BRD4: variants seen among roughly 807,000 people sequenced by gnomAD.
BRD4 encodes the protein bromodomain containing 4.
In BRD4, 16 loss-of-function variants were observed where a neutral mutation model predicts 142.1. The ratio of observed to expected loss-of-function variants is 0.11; its 90% CI spans 0.08 to 0.17. The LOEUF (loss-of-function observed/expected upper bound fraction) is 0.17, where lower values mean the gene tolerates loss of function less well. BRD4 is among the 10% of genes least tolerant of loss of function. BRD4 has a pLI of 1.00. For synonymous variants in BRD4, 833 were observed against 707.5 expected (o/e 1.18, Z -2.82); for missense variants, 1,424 against 1,810.9 (o/e 0.79, Z 3.88).
At chr19:15,281,421 AG>A (rs2047703548) in intron 1 of BRD4, among the ~76,000 whole-genome samples, 1 of 152,236 alleles carries the variant, frequency 6.6e-6, no homozygotes, top group South Asian at 2.1e-4. Context: ...TCTTGCAGTC[AG>A]GAGGCCAGGA....
At chr19:15,298,061 G>A (rs1181616175) in intron 1 of BRD4, among the ~76,000 whole-genome samples, 1 of 152,228 alleles carries the variant, frequency 6.6e-6, no homozygotes, top group Non-Finnish European at 1.5e-5. Context: ...GGTTACAGCA[G>A]CACCCAACAA....
At position 15,243,008 on chromosome 19, in the gene BRD4, G is replaced by T. The variant is rs577673376; in HGVS notation, c.3061C>A (p.His1021Asn). 5.3e-4 allele frequency: 811 copies of T among 1,544,214 alleles called. 9 individuals are homozygous for T. The South Asian group carries it at 9.1e-3, about 17-fold the overall frequency. ...PPPPQGQQPP[H>N]PPPGQQPPPP... ...GGTGGCTGCTGGCCTGGGGGCGGAT[G>T]GGGGGGCTGCTGGCCCTGGGGTGGC... The change falls in exon 14 of 20, where the codon CAT (histidine) becomes AAT (asparagine). Residue 1021 changes from histidine to asparagine, a missense_variant. Physicochemically the swap from His to Asn is moderately conservative, Grantham distance 68. Coordinates refer to ENST00000679869, the MANE Select transcript of BRD4 (RefSeq NM_001379291.1).
chr19:15,268,600 ACACCTTCTCT>A (rs1252080123), intron 3 of BRD4, among the ~76,000 whole-genome samples: 1 of 151,968 alleles, frequency 6.6e-6, no homozygotes, highest in Non-Finnish European at 1.5e-5. Context: ...TATTCTCCTC[ACACCTTCTCT>A]ACTAGACATG....
intron 11 of BRD4, among the ~76,000 whole-genome samples, chr19:15,252,669 G>A (rs115045911): frequency 0.011 from 1,723 of 152,340 alleles, 21 homozygotes; most frequent in African/African-American, 0.039. Context: ...AACGGTTAGA[G>A]ATGAAAGGGT....
In BRD4 at chr19:15,244,771, G is replaced by A. The variant is rs2047270968; in HGVS notation, c.2159-9C>T. ...TGACTTCGGAGCCATCTCTGCAGAGGAAAAGAGAAGGTAGTGAGGCTCTGG... is the reference window on the plus strand; with the variant it reads ...TGACTTCGGAGCCATCTCTGCAGAGAAAAAGAGAAGGTAGTGAGGCTCTGG... On this transcript the variant is annotated splice_polypyrimidine_tract_variant and intron_variant, in intron 11 of 19. Coordinates refer to ENST00000679869, the MANE Select transcript of BRD4 (RefSeq NM_001379291.1). 2.5e-6 allele frequency: 4 copies of A among 1,614,144 alleles called. No individual in the cohort carries two copies. The highest frequency in any genetic ancestry group is 2.2e-5 in the South Asian group (2 of 91,084).
intron 1 of BRD4, among the ~76,000 whole-genome samples, chr19:15,310,354 G>A: frequency 6.2e-5 from 1 of 16,234 alleles, no homozygotes; most frequent in African/African-American, 1.6e-4. Flanking sequence ...GCTGATTTTT[G>A]GATTCCCCCC....
At chr19:15,326,097 G>A (rs979137349) in intron 1 of BRD4, among the ~76,000 whole-genome samples, 2 of 140,766 alleles carry the variant, frequency 1.4e-5, no homozygotes, top group East Asian at 2.1e-4. Flanking sequence ...ACATTCATAC[G>A]ACAGCTAAGC....
At position 15,238,646 on chromosome 19, in the gene BRD4, C is replaced by G. The variant is rs1423999165; in HGVS notation, c.4020+97G>C. The G allele has an allele frequency of 2.1e-6, 3 of 1,453,780 alleles. No homozygotes were observed. Among genetic ancestry groups the G allele is most frequent in the Non-Finnish European group, 2.7e-6 (3 of 1,100,254 alleles). 90.1% of individuals were successfully genotyped at this position (1,453,780 alleles called of 1,614,324 possible). On this transcript the variant is annotated intron_variant, in intron 19 of 19. Transcript: ENST00000679869. The surrounding 1 kb of genome is among the most constrained non-coding windows in gnomAD (Gnocchi z 7.2). ...TGCCGACCAGCAGGGACGGGGCTCC[C>G]CCGCTGCCCCTCCCTGTCCAGGCTC... is the stretch of plus-strand genomic sequence containing the variant.
At chr19:15,261,078 A>C (rs928586310) in intron 7 of BRD4, among the ~76,000 whole-genome samples, 1 of 152,250 alleles carries the variant, frequency 6.6e-6, no homozygotes, top group African/African-American at 2.4e-5. Flanking sequence ...TGTGGGCAAA[A>C]GCTGCGCCCC....
intron 1 of BRD4, among the ~76,000 whole-genome samples, chr19:15,327,404 C>T (rs1431953732): frequency 6.6e-6 from 1 of 152,050 alleles, no homozygotes; most frequent in Non-Finnish European, 1.5e-5. Flanking sequence ...ATTAGCCGGG[C>T]ATGGTGGCAG....
Position 15,302,166 on chromosome 19 carries a change from CA to C in BRD4, c.-34-29034del, listed in dbSNP as rs779863415. Among the ~76,000 whole-genome samples, 1,018 of 132,860 alleles carry C rather than the reference CA, an allele frequency of 7.7e-3. 2 individuals are homozygous for C. Among genetic ancestry groups the C allele is most frequent in the African/African-American group, 0.021 (750 of 36,154 alleles). The allele number at this position is 132,860 out of a possible 152,430, so 87.2% of individuals were successfully genotyped here. Reference sequence around the variant, plus strand: ...TGGGAGACAGAGTGGGACTTCATCTCAAAAAAAAAAAAGGGGAATTTTATTG... The same window carrying C: ...TGGGAGACAGAGTGGGACTTCATCTCAAAAAAAAAAAGGGGAATTTTATTG... On this transcript the variant is annotated intron_variant, in intron 1 of 19. Coordinates refer to ENST00000679869, the MANE Select transcript of BRD4 (RefSeq NM_001379291.1).
chr19:15,332,251 C>A (rs2048168440), intron 1 of BRD4, 39 bp downstream of exon 1: 1 of 147,556 alleles, frequency 6.8e-6, no homozygotes. Flanking sequence ...CGCCAGCCGC[C>A]CAGTGTCGTC....
At chr19:15,269,359 T>G (rs1165954869) in intron 2 of BRD4, among the ~76,000 whole-genome samples, 1 of 152,230 alleles carries the variant, frequency 6.6e-6, no homozygotes, top group Non-Finnish European at 1.5e-5. Context: ...TTCTTTCACT[T>G]TTAATAAATA....
intron 14 of BRD4, among the ~76,000 whole-genome samples, chr19:15,241,805 CTTTTTT>C (rs906788611): frequency 6.7e-5 from 7 of 104,320 alleles, no homozygotes; most frequent in Non-Finnish European, 9.5e-5. Context: ...TGGCACCTGA[CTTTTTT>C]TTTTTTTTTT....
At chr19:15,297,526 A>G (rs1452805473) in intron 1 of BRD4, among the ~76,000 whole-genome samples, 1 of 152,318 alleles carries the variant, frequency 6.6e-6, no homozygotes, top group African/African-American at 2.4e-5. Context: ...TACCCATCAA[A>G]GCCTGACGCA....
chr19:15,250,547 A>G (rs575471741), intron 11 of BRD4, among the ~76,000 whole-genome samples: 1 of 152,322 alleles, frequency 6.6e-6, no homozygotes, highest in Admixed American at 6.5e-5. Flanking sequence ...TCCTGGGAAA[A>G]GGAAGCCAGG....
At chr19:15,321,837 G>C (rs1253583728) in intron 1 of BRD4, among the ~76,000 whole-genome samples, 6 of 152,076 alleles carry the variant, frequency 3.9e-5, no homozygotes, top group Non-Finnish European at 5.9e-5. Context: ...CAAACTACTA[G>C]ACCTTCACCA....
At chr19:15,310,384 G>A (rs1329572695) in intron 1 of BRD4, among the ~76,000 whole-genome samples, 1 of 46,384 alleles carries the variant, frequency 2.2e-5, no homozygotes, top group African/African-American at 7.4e-5. Context: ...CCCCCCCGAA[G>A]GAGTCTCACT....
intron 1 of BRD4, among the ~76,000 whole-genome samples, chr19:15,316,532 A>T (rs1222931453): frequency 6.6e-6 from 1 of 152,162 alleles, no homozygotes; most frequent in African/African-American, 2.4e-5. Context: ...CGGAGGTTGC[A>T]GTGAGCTGAG....
Sources: allele counts gnomAD v4.1 joint callset (sites outside exome capture counted in the v4.1 genomes callset), GRCh38; gene constraint gnomAD v4.1.1; non-coding constraint Gnocchi (gnomAD v3.1); transcripts MANE v1.5; gene names NCBI Gene and HGNC (gene_info 2026-07-23, HGNC 2026-07-21).